DGKZ: variants seen among roughly 807,000 people sequenced by gnomAD.
DGKZ encodes the protein diacylglycerol kinase zeta, also known as DAG kinase zeta.
Under a neutral mutation model 142.5 loss-of-function variants are expected in DGKZ, and 45 were observed. The observed-to-expected ratio is 0.32, with a 90% CI of 0.25 to 0.40. The LOEUF is 0.40. Among genes scored for constraint, DGKZ ranks in the 10% least tolerant of loss-of-function variants. DGKZ has a pLI of 1.00. For synonymous variants in DGKZ, 442 were observed against 527.0 expected, an observed-to-expected ratio of 0.84 and a Z score of 2.21; for missense variants, 755 against 1,306.5, an observed-to-expected ratio of 0.58 and a Z score of 6.51.
rs760134267 is a variant in DGKZ, at chr11:46,369,562, G to C, written c.501+12G>C. The C allele has an allele frequency of 4.3e-5, 70 of 1,612,142 alleles. No individual in the cohort carries two copies. In the East Asian group the frequency reaches 1.5e-3, roughly 35 times the overall value. The stretch of plus-strand genomic sequence containing the variant: ...GGAATGTCCGCGAGGTAAGTGCCCA[G>C]GGTGGTCAGGGATGGGGCCACCCTA... On this transcript the variant is annotated intron_variant, in intron 5 of 30. Coordinates refer to ENST00000527911, the Ensembl canonical transcript of DGKZ.
intron 1 of DGKZ, chr11:46,366,023 G>A (rs1215171010): frequency 1.0e-6 from 1 of 985,332 alleles, no homozygotes; most frequent in Non-Finnish European, 1.2e-6. Context: ...CTGTAAACGT[G>A]GGCTCCCCTG....
chr11:46,368,058 C>T, exon 4 of DGKZ: 1 of 1,614,072 alleles, frequency 6.2e-7, no homozygotes, highest in Non-Finnish European at 8.5e-7. Context: ...TGCACACGCC[C>T]TGCATCGAGC....
chr11:46,379,656 C>G, intron 30 of DGKZ, 88 bp downstream of exon 30: 1 of 1,353,538 alleles, frequency 7.4e-7, no homozygotes, highest in South Asian at 1.4e-5. Context: ...GGGGGCTGTC[C>G]CTGGGAAGAC....
Position 46,367,131 on chromosome 11 carries a change from C to G in DGKZ, c.162-160C>G, listed in dbSNP as rs1943400570. The G allele has an allele frequency of 7.8e-7, 1 of 1,281,550 alleles. No individual in the cohort carries two copies. Among genetic ancestry groups the G allele is most frequent in the Admixed American group, 2.1e-5 (1 of 47,824 alleles). The allele number at this position is 1,281,550 out of a possible 1,614,324, so 79.4% of individuals were successfully genotyped here. On this transcript the variant is annotated intron_variant, in intron 1 of 30. Coordinates refer to ENST00000527911, the Ensembl canonical transcript of DGKZ. The surrounding 1 kb of genome is among the most constrained non-coding windows in gnomAD (Gnocchi z 4.1). ...CTGAAGCCAGCGTACCCCAAAAGGC[C>G]ATGTCTCTTGCAGGGAGCCTCTTAG... is the stretch of plus-strand genomic sequence containing the variant.
chr11:46,345,486 T>A, upstream of DGKZ: 1 of 1,508,706 alleles, frequency 6.6e-7, no homozygotes, highest in Non-Finnish European at 8.8e-7. This position sits in a 1 kb window ranked among gnomAD's most constrained non-coding sequence, Gnocchi z 4.1. Flanking sequence ...GTGGAGGCGC[T>A]GGGGACGGAA....
chr11:46,347,184 G>A (rs1020998035), upstream of DGKZ, among the ~76,000 whole-genome samples: 1 of 152,158 alleles, frequency 6.6e-6, no homozygotes, highest in Non-Finnish European at 1.5e-5. This position sits in a 1 kb window ranked among gnomAD's most constrained non-coding sequence, Gnocchi z 6.4. Context: ...GAGGGATCGG[G>A]GGAGGAAAGA....
At chr11:46,336,132 G>A (rs1462235335) in intron 1 of DGKZ, among the ~76,000 whole-genome samples, 1 of 152,244 alleles carries the variant, frequency 6.6e-6, no homozygotes, top group Non-Finnish European at 1.5e-5. Context: ...TGAAGGCCTG[G>A]CTGCTTCTGA....
intron 1 of DGKZ, among the ~76,000 whole-genome samples, chr11:46,353,041 C>T (rs984651535): frequency 3.9e-5 from 6 of 152,318 alleles, no homozygotes; most frequent in African/African-American, 7.2e-5. Context: ...GCTCTGTGGC[C>T]GCGGAGGGGA....
intron 1 of DGKZ, among the ~76,000 whole-genome samples, chr11:46,363,416 AC>A (rs368333037): frequency 2.2e-3 from 339 of 152,316 alleles, no homozygotes; most frequent in African/African-American, 7.6e-3. Context: ...CAACTTGCAC[AC>A]AGTCACACAG....
chr11:46,366,823 G>C, intron 1 of DGKZ: 1 of 1,545,368 alleles, frequency 6.5e-7, no homozygotes. Flanking sequence ...GCCTCAGCCA[G>C]CGGCGGCCCT....
intron 1 of DGKZ, among the ~76,000 whole-genome samples, chr11:46,341,751 A>G (rs1197731359): frequency 3.3e-5 from 5 of 152,258 alleles, no homozygotes; most frequent in African/African-American, 1.2e-4. Context: ...AAGACAACCT[A>G]GGAGTGCAAC....
At chr11:46,376,291 C>T (rs756630190) in intron 22 of DGKZ, 37 bp from the exon 23 acceptor site, 9 of 1,613,066 alleles carry the variant, frequency 5.6e-6, no homozygotes, top group African/African-American at 4.0e-5. Flanking sequence ...CCCTGGCCCC[C>T]ACTCTATCCC....
chr11:46,338,757 C>T (rs918787073), intron 1 of DGKZ: 2 of 152,106 alleles, frequency 1.3e-5, no homozygotes, highest in Non-Finnish European at 2.9e-5. Flanking sequence ...CTGCCCCTTC[C>T]TAGTTGGGTA....
intron 1 of DGKZ, chr11:46,365,497 T>C: frequency 1.0e-6 from 1 of 985,260 alleles, no homozygotes; most frequent in Non-Finnish European, 1.2e-6. Flanking sequence ...GCCCCCTGGG[T>C]GTGAAGGGAG....
At chr11:46,353,937 C>T (rs1280837483) in intron 1 of DGKZ, among the ~76,000 whole-genome samples, 5 of 152,228 alleles carry the variant, frequency 3.3e-5, no homozygotes, top group Admixed American at 1.3e-4. Context: ...CCTGTCTCTC[C>T]GCCCCCTTCC....
rs1043720478 is a variant in DGKZ, at chr11:46,372,536, G to C, written c.1010+26G>C. 9 of 1,613,840 alleles carry C rather than the reference G, an allele frequency of 5.6e-6. No homozygotes were observed. The highest frequency in any genetic ancestry group is 7.6e-6 in the Non-Finnish European group (9 of 1,180,002). On this transcript the variant is annotated intron_variant, in intron 11 of 30. Coordinates refer to ENST00000527911, the Ensembl canonical transcript of DGKZ. This position sits in a 1 kb window ranked among gnomAD's most constrained non-coding sequence, Gnocchi z 5.9. ...GTAAGTACTTGCCAAGGTTTTGTGG[G>C]GGACATGGGGGGGAACTTGCCTCAC...
chr11:46,363,418 A>C (rs991523616), intron 1 of DGKZ, among the ~76,000 whole-genome samples: 4 of 151,512 alleles, frequency 2.6e-5, no homozygotes, highest in African/African-American at 9.8e-5. Flanking sequence ...ACTTGCACAC[A>C]GTCACACAGC....
chr11:46,359,909 T>C (rs2136435379), intron 1 of DGKZ, among the ~76,000 whole-genome samples: 1 of 152,196 alleles, frequency 6.6e-6, no homozygotes, highest in Non-Finnish European at 1.5e-5. Context: ...TGAACCACTG[T>C]GCCCGGCCTG....
At chr11:46,346,308 A>C (rs1423894214), upstream of DGKZ, among the ~76,000 whole-genome samples, 1 of 152,182 alleles carries the variant, frequency 6.6e-6, no homozygotes, top group African/African-American at 2.4e-5. Flanking sequence ...TGCACACAGA[A>C]GTAGTGGGCA....
Sources: gnomAD v4.1 joint callset for allele counts (sites outside exome capture counted in the v4.1 genomes callset) on GRCh38, gnomAD v4.1.1 for gene constraint, Gnocchi (gnomAD v3.1) non-coding constraint, MANE v1.5 for transcripts, NCBI Gene and HGNC (gene_info 2026-07-23, HGNC 2026-07-21) for gene names.